Variants in PADI6 observed in about 807,000 individuals in gnomAD.
PADI6 encodes the protein peptidyl arginine deiminase 6.
In PADI6, 66 loss-of-function variants were observed where a neutral mutation model predicts 78.2. The observed-to-expected ratio is 0.84, with a 90% CI of 0.69 to 1.04. The LOEUF is 1.04. Among genes scored for constraint, PADI6 ranks in the 50% least tolerant of loss-of-function variants. PADI6 has a pLI of 0.00. For missense variants in PADI6, 854 were observed against 866.1 expected (o/e 0.99, Z 0.18); for synonymous variants, 397 against 346.9 (o/e 1.14, Z -1.60).
intron 2 of PADI6, among the ~76,000 whole-genome samples, chr1:17,374,591 A>AT (rs1379411647): frequency 6.6e-6 from 1 of 152,138 alleles, no homozygotes; most frequent in Non-Finnish European, 1.5e-5. Flanking sequence ...GTCCCACTGC[A>AT]TTACAGCCTG....
chr1:17,395,961 A>G (rs1016072308), intron 13 of PADI6, among the ~76,000 whole-genome samples: 2 of 152,112 alleles, frequency 1.3e-5, no homozygotes, highest in African/African-American at 4.8e-5. Context: ...TAGTGCCTGG[A>G]TTTATTCAGG....
Position 17,373,061 on chromosome 1 carries a change from C to T in PADI6, c.122C>T (p.Ala41Val). The change falls in exon 2 of 16, where the codon GCC becomes GTC. Residue 41 changes from alanine (A) to valine (V), a missense_variant. Physicochemically the swap from Ala to Val is moderately conservative, Grantham distance 64. Coordinates refer to ENST00000619609, the MANE Select transcript of PADI6 (RefSeq NM_207421.4). ...TCTCTTACCGGGCAAACCAGGTGTG[C>T]CCCCCAGAAGTGCCAGTGCTTCACC... ...TEICLDLSGC[A>V]PQKCQCFTIH... The T allele has an allele frequency of 5.6e-6, 9 of 1,612,694 alleles. No individual in the cohort carries two copies. The highest frequency in any genetic ancestry group is 7.6e-6 in the Non-Finnish European group (9 of 1,178,968).
chr1:17,396,549 G>A (rs112241827), intron 13 of PADI6, among the ~76,000 whole-genome samples: 2,003 of 152,250 alleles, frequency 0.013, 20 homozygotes, highest in Non-Finnish European at 0.022. Context: ...TCAGCCTTTG[G>A]GGTTGGGGCC....
chr1:17,400,253 C>T (rs1375557160), intron 15 of PADI6, among the ~76,000 whole-genome samples: 1 of 151,512 alleles, frequency 6.6e-6, no homozygotes, highest in East Asian at 1.9e-4. Context: ...GTGTCTTACA[C>T]CTGTAATCCC....
At position 17,381,964 on chromosome 1, in the gene PADI6, C is replaced by G; in HGVS notation, c.554-3C>G. On this transcript the variant is annotated splice_region_variant and splice_polypyrimidine_tract_variant and intron_variant, in intron 5 of 15. Coordinates refer to ENST00000619609, the MANE Select transcript of PADI6 (RefSeq NM_207421.4). ...CTTAACCTTTGCTTTGTCTTTTGCC[C>G]AGAAATAACGAATCTGTCCCAGATG... 1 of 1,613,712 alleles carries G rather than the reference C, an allele frequency of 6.2e-7. No individual in the cohort carries two copies. The highest frequency in any genetic ancestry group is 8.5e-7 in the Non-Finnish European group (1 of 1,179,734).
At chr1:17,387,144 A>G (rs113992845) in intron 6 of PADI6, among the ~76,000 whole-genome samples, 1,768 of 152,238 alleles carry the variant, frequency 0.012, 44 homozygotes, top group African/African-American at 0.04. Context: ...TTTCTGACCT[A>G]GAAAATGAAT....
intron 3 of PADI6, among the ~76,000 whole-genome samples, chr1:17,377,289 CA>C (rs112451777): frequency 0.048 from 7,296 of 152,192 alleles, 582 homozygotes; most frequent in African/African-American, 0.16. Flanking sequence ...ACCTGCTGGT[CA>C]ATCCCCTCTT....
At chr1:17,378,963 G>GA (rs1024128231) in intron 3 of PADI6, among the ~76,000 whole-genome samples, 1 of 149,390 alleles carries the variant, frequency 6.7e-6, no homozygotes, top group Non-Finnish European at 1.5e-5. Context: ...TTTGGGGGGG[G>GA]GGACAGAATC....
At position 17,379,983 on chromosome 1, in the gene PADI6, C is replaced by T. The variant is rs2075057219; in HGVS notation, c.431C>T (p.Ala144Val). The T allele has an allele frequency of 6.2e-7, 1 of 1,613,384 alleles. No individual in the cohort carries two copies. The highest frequency in any genetic ancestry group is 1.1e-5 in the South Asian group (1 of 91,066). Residue 144 changes from alanine (A) to valine (V), a missense_variant, in exon 4 of 16, where the codon GCT becomes GTT. Transcript: ENST00000619609. ...GQVEMSSDKQ[A>V]KKKWIWGPSG... ...GTTGAGATGTCAAGTGACAAACAGG[C>T]TAAGGTGAGTCTGCCAGCAAAAGGG...
In PADI6 at chr1:17,398,747, T is replaced by C; in HGVS notation, c.1751T>C (p.Ile584Thr). 1 of 1,582,888 alleles carries C rather than the reference T, an allele frequency of 6.3e-7. No homozygotes were observed. The highest frequency in any genetic ancestry group is 8.6e-7 in the Non-Finnish European group (1 of 1,163,368). The change falls in exon 15 of 16, where the codon ATC (isoleucine) becomes ACC (threonine). Residue 584 changes from isoleucine (I) to threonine (T), a missense_variant. Transcript: ENST00000619609. ...GAGCTGGGCCTGGTGGAACAGGACATCATCGAGATTCCCCAGCTGTTCTGC... is the reference window on the plus strand; with the variant it reads ...GAGCTGGGCCTGGTGGAACAGGACACCATCGAGATTCCCCAGCTGTTCTGC... ...KTELGLVEQD[I>T]IEIPQLFCLE...
chr1:17,395,317 C>T (rs1284610626), intron 12 of PADI6, among the ~76,000 whole-genome samples: 1 of 152,010 alleles, frequency 6.6e-6, no homozygotes, highest in Non-Finnish European at 1.5e-5. Context: ...AATTCTCCTG[C>T]CTCAGCCTCC....
chr1:17,372,471 T>C, intron 1 of PADI6, 110 bp downstream of exon 1: 1 of 999,106 alleles, frequency 1.0e-6, no homozygotes, highest in Non-Finnish European at 1.5e-6. Flanking sequence ...CTCACTATCC[T>C]GCCCCATCTT....
chr1:17,383,153 A>G (rs566161175), intron 6 of PADI6, among the ~76,000 whole-genome samples: 2 of 152,284 alleles, frequency 1.3e-5, no homozygotes, highest in South Asian at 2.1e-4. Flanking sequence ...TGTGGTCTAT[A>G]CTGTGCCTCT....
chr1:17,396,526 ACCT>A (rs1242860576), intron 13 of PADI6, among the ~76,000 whole-genome samples: 3 of 151,920 alleles, frequency 2.0e-5, no homozygotes, highest in African/African-American at 7.3e-5. Flanking sequence ...CCTGCTCCAC[ACCT>A]CCTGGATACT....
chr1:17,394,990 C>T lies in PADI6; in HGVS notation c.1377C>T (p.Phe459=), dbSNP rs752901478. 4 of 1,613,514 alleles carry T rather than the reference C, an allele frequency of 2.5e-6. No individual in the cohort carries two copies. Among genetic ancestry groups the T allele is most frequent in the Non-Finnish European group, 3.4e-6 (4 of 1,179,888 alleles). ...GRAMSKTLRD[F]LYAQQVQAPV... ...CCATGAGTAAGACCCTCCGAGACTTCCTCTATGCCCAGCAGGTCCAAGCGC... is the reference window on the plus strand; with the variant it reads ...CCATGAGTAAGACCCTCCGAGACTTTCTCTATGCCCAGCAGGTCCAAGCGC... The change falls in exon 12 of 16, where the codon TTC becomes TTT. Residue 459 remains phenylalanine, a synonymous_variant. Coordinates refer to ENST00000619609, the MANE Select transcript of PADI6 (RefSeq NM_207421.4).
intron 9 of PADI6, among the ~76,000 whole-genome samples, chr1:17,392,861 A>G (rs1365004655): frequency 6.6e-6 from 1 of 152,172 alleles, no homozygotes; most frequent in Non-Finnish European, 1.5e-5. Flanking sequence ...CCAGGATTAA[A>G]AGGAGTTCCT....
chr1:17,373,882 G>A (rs1231301799), intron 2 of PADI6, among the ~76,000 whole-genome samples: 1 of 152,128 alleles, frequency 6.6e-6, no homozygotes, highest in Non-Finnish European at 1.5e-5. Context: ...CCCAGGATTT[G>A]AGCTTGAGCC....
At chr1:17,396,206 C>T (rs556020923) in intron 13 of PADI6, among the ~76,000 whole-genome samples, 115 of 152,186 alleles carry the variant, frequency 7.6e-4, no homozygotes, top group African/African-American at 2.6e-3. Context: ...GCCAACATGA[C>T]GAAAGCCCAT....
intron 6 of PADI6, among the ~76,000 whole-genome samples, chr1:17,387,100 G>T (rs541629828): frequency 1.3e-5 from 2 of 152,352 alleles, no homozygotes; most frequent in East Asian, 3.9e-4. Context: ...GAAAGAGGAA[G>T]TTCGAGTGAC....
Sources: allele counts gnomAD v4.1 joint callset (sites outside exome capture counted in the v4.1 genomes callset), GRCh38; gene constraint gnomAD v4.1.1; transcripts MANE v1.5; gene names NCBI Gene and HGNC (gene_info 2026-07-23, HGNC 2026-07-21).